GRK4: variants seen among roughly 807,000 people sequenced by gnomAD.
The protein encoded by GRK4 is G protein-coupled receptor kinase 4.
Under a neutral mutation model 77.9 loss-of-function variants are expected in GRK4, and 73 were observed. The observed-to-expected ratio is 0.94, with a 90% CI of 0.78 to 1.14. The LOEUF is 1.14. GRK4 is among the 50% of genes most tolerant of loss of function. The pLI is 0.00. For synonymous variants in GRK4, 257 were observed against 254.4 expected (o/e 1.01, Z -0.10); for missense variants, 729 against 700.2 (o/e 1.04, Z -0.46).
chr4:2,979,574 G>A (rs1006642561), intron 1 of GRK4, among the ~76,000 whole-genome samples: 2 of 152,150 alleles, frequency 1.3e-5, no homozygotes, highest in African/African-American at 2.4e-5. Flanking sequence ...TTAGCCGGGC[G>A]TGGTGGCACA....
chr4:2,973,277 C>A (rs573747259), intron 1 of GRK4, among the ~76,000 whole-genome samples: 2 of 152,194 alleles, frequency 1.3e-5, no homozygotes, highest in Non-Finnish European at 2.9e-5. Context: ...CCCCCCTTAT[C>A]TTCTAGATCT....
chr4:3,008,007 C>T (rs1731809011), intron 6 of GRK4, among the ~76,000 whole-genome samples, 179 bp downstream of exon 6: 1 of 152,066 alleles, frequency 6.6e-6, no homozygotes, highest in Admixed American at 6.6e-5. Context: ...TAGCAAGACC[C>T]CATCTCTAAT....
At chr4:2,990,150 G>A (rs766068893) in intron 3 of GRK4, among the ~76,000 whole-genome samples, 6 of 151,092 alleles carry the variant, frequency 4.0e-5, no homozygotes, top group African/African-American at 7.3e-5. Context: ...AAACATTTGC[G>A]GCTGTTTTGT....
chr4:3,007,077 C>T (rs1731554549), intron 5 of GRK4, among the ~76,000 whole-genome samples: 1 of 152,074 alleles, frequency 6.6e-6, no homozygotes, highest in African/African-American at 2.4e-5. Flanking sequence ...TGGCTTACAC[C>T]TGTAGTCCCA....
chr4:3,021,772 C>G (rs998471546), intron 9 of GRK4, among the ~76,000 whole-genome samples: 8 of 152,176 alleles, frequency 5.3e-5, no homozygotes, highest in African/African-American at 1.9e-4. Flanking sequence ...TACGGCTGAG[C>G]CGCTGTGTTT....
rs1216246749 is a variant in GRK4, at chr4:2,965,321, C to CT, written c.52+1200dup. The CT allele has an allele frequency of 5.7e-6, 4 of 702,966 alleles. No individual in the cohort carries two copies. The Admixed American group carries it at 8.0e-5, about 14-fold the overall frequency. 43.5% of individuals were successfully genotyped at this position (702,966 alleles called of 1,614,324 possible). A position where few individuals can be genotyped will look rare whatever the true frequency, so the allele number is the denominator to read the frequency against. On this transcript the variant is annotated intron_variant, in intron 1 of 15. Transcript: ENST00000398052. ...CCCCCACAATCCTCTGTGCAATCCT[C>CT]TGTCTCGGACCTCATGTCTCCCTTG... is the stretch of plus-strand genomic sequence containing the variant.
rs1477445668 is a variant in GRK4, at chr4:2,977,582, C to T, written c.53-6931C>T. Among the ~76,000 whole-genome samples, 9 of 152,306 alleles carry T rather than the reference C, an allele frequency of 5.9e-5. No individual in the cohort carries two copies. The South Asian group carries it at 8.3e-4, about 14-fold the overall frequency. ...TTATTTTTCATTTCCATAAAAGCCA[C>T]GTTGAGGGCGGTCAGGGAGGGAGTG... On this transcript the variant is annotated intron_variant, in intron 1 of 15. Transcript: ENST00000398052.
rs866796940 is a variant in GRK4 at position 3,001,352 on chromosome 4, C to T, written c.340-2879C>T. Among the ~76,000 whole-genome samples, 1,016 of 112,102 alleles carry T rather than the reference C, an allele frequency of 9.1e-3. 47 individuals are homozygous for T. The highest frequency in any genetic ancestry group is 0.038 in the African/African-American group (935 of 24,520). 73.5% of individuals were successfully genotyped at this position (112,102 alleles called of 152,430 possible). A position where few individuals can be genotyped will look rare whatever the true frequency, so the allele number is the denominator to read the frequency against. On this transcript the variant is annotated intron_variant, in intron 4 of 15. Coordinates refer to ENST00000398052, the MANE Select transcript of GRK4 (RefSeq NM_182982.3). Reference sequence around the variant, plus strand: ...ACACACACACACACACACACACACACACATATATATATATATATTTTTTTT... The same window carrying T: ...ACACACACACACACACACACACACATACATATATATATATATATTTTTTTT...
chr4:3,006,756 G>T (rs1731447107), intron 5 of GRK4, among the ~76,000 whole-genome samples: 1 of 152,086 alleles, frequency 6.6e-6, no homozygotes, highest in African/African-American at 2.4e-5. Flanking sequence ...CTGGGTGACA[G>T]AGCCAGACCA....
At chr4:2,964,148 C>CA in intron 1 of GRK4, 26 bp downstream of exon 1, 1 of 748,016 alleles carries the variant, frequency 1.3e-6, no homozygotes, top group South Asian at 2.8e-5. Flanking sequence ...GCGCCCCCGA[C>CA]CCCCCCCCCA....
At position 3,001,201 on chromosome 4, in the gene GRK4, ATGTGTATG is replaced by A. The variant is rs1205692547; in HGVS notation, c.340-3026_340-3019del. 9.6e-5 allele frequency among the ~76,000 whole-genome samples: 13 copies of A among 135,414 alleles called. 1 individual carries two copies. The highest frequency in any genetic ancestry group is 2.8e-4 in the African/African-American group (10 of 35,852). The allele number at this position is 135,414 out of a possible 152,430, so 88.8% of individuals were successfully genotyped here. A position where few individuals can be genotyped will look rare whatever the true frequency, so the allele number is the denominator to read the frequency against. ...TGTGTATGTGTATATATATGTATAT[ATGTGTATG>A]TGTATATATATGTATATATGTGTAT... On this transcript the variant is annotated intron_variant, in intron 4 of 15. Transcript: ENST00000398052.
At chr4:3,014,296 C>CTCTTTT (rs757312217) in intron 8 of GRK4, among the ~76,000 whole-genome samples, 1 of 118,976 alleles carries the variant, frequency 8.4e-6, no homozygotes, top group Middle Eastern at 4.0e-3. Flanking sequence ...CTCTCTCTCT[C>CTCTTTT]TTTTTTTTTT....
chr4:2,989,161 A>G (rs908008831), intron 3 of GRK4, among the ~76,000 whole-genome samples: 1 of 152,094 alleles, frequency 6.6e-6, no homozygotes, highest in African/African-American at 2.4e-5. Flanking sequence ...AGCCTGGGCG[A>G]CAGAGCAAGA....
At chr4:3,001,089 A>ATATATATATATATATGTGTGTGTGTGTG in intron 4 of GRK4, among the ~76,000 whole-genome samples, 10 of 82,428 alleles carry the variant, frequency 1.2e-4, no homozygotes, top group African/African-American at 5.8e-4. Flanking sequence ...ATATATATAT[A>ATATATATATATATATGTGTGTGTGTGTG]TGTGTGTGTG....
At chr4:3,027,866 C>A (rs763581177) in intron 10 of GRK4, 46 bp from the exon 11 acceptor site, 2 of 1,506,106 alleles carry the variant, frequency 1.3e-6, no homozygotes, top group Non-Finnish European at 1.8e-6. Context: ...GTTACGGTGT[C>A]ATTACTTCCC....
intron 1 of GRK4, 151 bp downstream of exon 1, chr4:2,964,273 A>ACGGAGC (rs1450576383): frequency 4.1e-6 from 3 of 734,078 alleles, no homozygotes; most frequent in Non-Finnish European, 6.7e-6. Flanking sequence ...CCAGATCTGC[A>ACGGAGC]CGGAGCCGGA....
chr4:2,986,883 G>C (rs1724551343), intron 2 of GRK4: 1 of 323,892 alleles, frequency 3.1e-6, no homozygotes, highest in African/African-American at 2.2e-5. Context: ...GTATAAAGGA[G>C]CTAGTATTTC....
At chr4:2,991,506 C>T (rs766973049) in intron 3 of GRK4, among the ~76,000 whole-genome samples, 1 of 152,082 alleles carries the variant, frequency 6.6e-6, no homozygotes, top group Non-Finnish European at 1.5e-5. Context: ...ACTCCCAGCA[C>T]TGAAGTTTGT....
At chr4:2,971,074 A>C (rs1372015302) in intron 1 of GRK4, 1 of 152,206 alleles carries the variant, frequency 6.6e-6, no homozygotes, top group East Asian at 1.9e-4. Flanking sequence ...AAGCTCCTCA[A>C]AAAACTCTAG....
Sources: gnomAD v4.1 joint callset for allele counts (sites outside exome capture counted in the v4.1 genomes callset) on GRCh38, gnomAD v4.1.1 for gene constraint, MANE v1.5 for transcripts, NCBI Gene and HGNC (gene_info 2026-07-23, HGNC 2026-07-21) for gene names.